DENND5A: variants seen among roughly 807,000 people sequenced by gnomAD.
DENND5A encodes DENN domain containing 5A.
DENND5A carries 64 observed loss-of-function variants against 140.3 expected under a neutral mutation model. The observed-to-expected ratio is 0.46, with a 90% CI of 0.37 to 0.56. The LOEUF is 0.56. Among genes scored for constraint, DENND5A ranks in the 20% least tolerant of loss-of-function variants. The probability of loss-of-function intolerance (pLI) is 0.00; values close to 1 mark genes in which losing one functional copy is unlikely to be tolerated. For missense variants in DENND5A, 1,292 were observed against 1,593.8 expected (o/e 0.81, Z 3.22); for synonymous variants, 605 against 607.7 (o/e 1.00, Z 0.07).
In DENND5A at chr11:9,142,173, G is replaced by A. The variant is rs1847268392; in HGVS notation, c.3512-65C>T. ...AACACCAACCCTGACGGTCCTACAG[G>A]CCACTTGCCATGGGCCTCTCCAAGT... On this transcript the variant is annotated intron_variant, in intron 21 of 22. Coordinates refer to ENST00000328194, the MANE Select transcript of DENND5A (RefSeq NM_015213.4). 5.0e-6 allele frequency: 7 copies of A among 1,391,336 alleles called. 1 individual carries two copies. In the Middle Eastern group the frequency reaches 9.3e-4, roughly 185 times the overall value. The allele number at this position is 1,391,336 out of a possible 1,614,324, so 86.2% of individuals were successfully genotyped here. A position where few individuals can be genotyped will look rare whatever the true frequency, so the allele number is the denominator to read the frequency against.
intron 22 of DENND5A, among the ~76,000 whole-genome samples, chr11:9,141,563 C>T (rs934189838): frequency 2.0e-5 from 3 of 152,202 alleles, no homozygotes; most frequent in Admixed American, 6.5e-5. Context: ...CCTGGAGCTT[C>T]CTGCCACAGC....
In DENND5A at chr11:9,165,932, A is replaced by G. The variant is rs1848175835; in HGVS notation, c.2187T>C (p.Thr729=). 2 of 1,614,046 alleles carry G rather than the reference A, an allele frequency of 1.2e-6. No homozygotes were observed. The highest frequency in any genetic ancestry group is 2.7e-5 in the African/African-American group (2 of 74,946). ...GGTTGGACAGTTTGGGCTGGCGGAT[A>G]GTGCTGCCCATAGTCCTGGCTTCCT... ...YIQEARTMGS[T]IRQPKLSNLS... is the part of the protein sequence containing the mutation. The change falls in exon 11 of 23, where the codon ACT becomes ACC. Residue 729 remains threonine (T), a synonymous_variant. Coordinates refer to ENST00000328194, the MANE Select transcript of DENND5A (RefSeq NM_015213.4).
chr11:9,207,466 A>C (rs1316364721), intron 2 of DENND5A, 95 bp downstream of exon 2: 2 of 909,744 alleles, frequency 2.2e-6, no homozygotes, highest in Non-Finnish European at 3.5e-6. Flanking sequence ...GGCACAAGAA[A>C]GTTAGAAGGT....
rs145055011 is a variant in DENND5A at position 9,216,655 on chromosome 11, T to C, written c.110-9023A>G. ...CAGCAGGGCAGGGGACTGTGGCTCA[T>C]GCCTGTAATCCCAGATAATCAGGAG... On this transcript the variant is annotated intron_variant, in intron 1 of 22. Transcript: ENST00000328194. 1.1e-3 allele frequency among the ~76,000 whole-genome samples: 171 copies of C among 152,324 alleles called. 1 individual carries two copies. The highest frequency in any genetic ancestry group is 4.0e-3 in the African/African-American group (165 of 41,584).
intron 1 of DENND5A, among the ~76,000 whole-genome samples, chr11:9,254,486 G>C (rs1300383629): frequency 6.6e-6 from 1 of 152,164 alleles, no homozygotes; most frequent in African/African-American, 2.4e-5. Context: ...CCTAACTTAA[G>C]AACTCTTTCC....
intron 5 of DENND5A, among the ~76,000 whole-genome samples, chr11:9,189,225 T>C (rs920065300): frequency 2.6e-5 from 4 of 152,176 alleles, no homozygotes; most frequent in Non-Finnish European, 4.4e-5. Context: ...TGCAAGTACA[T>C]GGAAGTCAAG....
intron 15 of DENND5A, among the ~76,000 whole-genome samples, chr11:9,149,387 G>C (rs1847537077): frequency 6.6e-6 from 1 of 152,184 alleles, no homozygotes; most frequent in African/African-American, 2.4e-5. Flanking sequence ...CCTTGGGAAA[G>C]GGACAGGTTT....
intron 11 of DENND5A, among the ~76,000 whole-genome samples, chr11:9,165,085 C>T (rs949932225): frequency 4.6e-5 from 7 of 151,766 alleles, no homozygotes; most frequent in African/African-American, 1.7e-4. Flanking sequence ...CTGCAACCTC[C>T]GCCTCCCGGG....
chr11:9,223,321 C>T (rs747767796), intron 1 of DENND5A, among the ~76,000 whole-genome samples: 5 of 151,582 alleles, frequency 3.3e-5, no homozygotes, highest in South Asian at 2.1e-4. Context: ...CCAAGGCAGG[C>T]GGAGGTCAGG....
At chr11:9,202,012 G>A (rs1477686504) in intron 4 of DENND5A, among the ~76,000 whole-genome samples, 1 of 152,160 alleles carries the variant, frequency 6.6e-6, no homozygotes, top group Non-Finnish European at 1.5e-5. Context: ...CTGTAATCAT[G>A]AAAACTGACA....
At chr11:9,161,347 C>CAAAA (rs11354858) in intron 11 of DENND5A, among the ~76,000 whole-genome samples, 1 of 145,778 alleles carries the variant, frequency 6.9e-6, no homozygotes, top group African/African-American at 2.5e-5. Context: ...GACTCCGTCT[C>CAAAA]AAAAAAAAAA....
intron 1 of DENND5A, among the ~76,000 whole-genome samples, chr11:9,222,809 A>G (rs980715795): frequency 6.6e-6 from 1 of 152,256 alleles, no homozygotes; most frequent in African/African-American, 2.4e-5. Context: ...AGAGGCCTCA[A>G]GAACGTGCTT....
rs535564671 is a variant in DENND5A at position 9,169,129 on chromosome 11, T to C, written c.2151+727A>G. On this transcript the variant is annotated intron_variant, in intron 10 of 22. Coordinates refer to ENST00000328194, the MANE Select transcript of DENND5A (RefSeq NM_015213.4). ...TGTTTCAATTTAAGGTAAGAAACAG[T>C]AGGAAAAAAACTCTAACAAAATTAA... 2.0e-5 allele frequency among the ~76,000 whole-genome samples: 3 copies of C among 152,068 alleles called. No individual in the cohort carries two copies. In the South Asian group the frequency reaches 6.2e-4, roughly 32 times the overall value.
chr11:9,208,748 C>G (rs1432428602), intron 1 of DENND5A, among the ~76,000 whole-genome samples: 2 of 152,196 alleles, frequency 1.3e-5, no homozygotes, highest in Non-Finnish European at 2.9e-5. Flanking sequence ...TTTCCTGATC[C>G]TTCTTCCAAA....
At chr11:9,208,292 G>A (rs1441003870) in intron 1 of DENND5A, among the ~76,000 whole-genome samples, 2 of 152,322 alleles carry the variant, frequency 1.3e-5, no homozygotes, top group South Asian at 2.1e-4. Context: ...TTTCACCTAC[G>A]TGGCCTAACC....
chr11:9,233,224 C>G (rs1850846242), intron 1 of DENND5A, among the ~76,000 whole-genome samples: 1 of 151,968 alleles, frequency 6.6e-6, no homozygotes, highest in South Asian at 2.1e-4. Flanking sequence ...CATCGTGAAA[C>G]CTCGCCTCTA....
At chr11:9,234,499 A>G (rs1339113134) in intron 1 of DENND5A, among the ~76,000 whole-genome samples, 1 of 152,188 alleles carries the variant, frequency 6.6e-6, no homozygotes, top group Non-Finnish European at 1.5e-5. Context: ...GAGAAAGTGG[A>G]AACCTTGTTG....
intron 1 of DENND5A, among the ~76,000 whole-genome samples, chr11:9,208,390 C>A (rs762700167): frequency 1.9e-4 from 29 of 152,194 alleles, no homozygotes; most frequent in Non-Finnish European, 4.1e-4. Context: ...CTAAGTTGGT[C>A]TGGAACCTAA....
Position 9,179,079 on chromosome 11 carries a change from A to G in DENND5A, c.1456-6T>C, listed in dbSNP as rs769699888. On this transcript the variant is annotated splice_polypyrimidine_tract_variant and splice_region_variant and intron_variant, in intron 6 of 22. Coordinates refer to ENST00000328194, the MANE Select transcript of DENND5A (RefSeq NM_015213.4). ...GGGTCTTCACGCACTTCCAACTACAAAAAAAGAAAAAGCAGTTGAGAACAC... is the reference window on the plus strand; with the variant it reads ...GGGTCTTCACGCACTTCCAACTACAGAAAAAGAAAAAGCAGTTGAGAACAC... 1.9e-6 allele frequency: 3 copies of G among 1,612,500 alleles called. No homozygotes were observed. Among genetic ancestry groups the G allele is most frequent in the Non-Finnish European group, 2.5e-6 (3 of 1,179,064 alleles).
Sources: allele counts gnomAD v4.1 joint callset (sites outside exome capture counted in the v4.1 genomes callset), GRCh38; gene constraint gnomAD v4.1.1; transcripts MANE v1.5; gene names NCBI Gene and HGNC (gene_info 2026-07-23, HGNC 2026-07-21).